The following PIWIL3 variants were observed in gnomAD, a reference collection of about 807,000 sequenced individuals.
The protein encoded by PIWIL3 is piwi like RNA-mediated gene silencing 3.
A neutral mutation model predicts 109.7 loss-of-function variants in PIWIL3; 101 were observed. The ratio of observed to expected loss-of-function variants is 0.92; its 90% CI spans 0.78 to 1.09. The LOEUF is 1.09. PIWIL3 is among the 50% of genes least tolerant of loss of function. The pLI, the probability that PIWIL3 is intolerant of heterozygous loss-of-function variation, is 0.00. For missense variants in PIWIL3, 1,031 were observed against 1,072.6 expected, an observed-to-expected ratio of 0.96 and a Z score of 0.54; for synonymous variants, 373 against 376.4, an observed-to-expected ratio of 0.99 and a Z score of 0.10.
chr22:24,760,954 G>C (rs1483090562), intron 2 of PIWIL3, among the ~76,000 whole-genome samples: 1 of 152,058 alleles, frequency 6.6e-6, no homozygotes, highest in Non-Finnish European at 1.5e-5. Flanking sequence ...TCTGATACTG[G>C]ATAGTTTTTG....
At chr22:24,733,605 G>A (rs1015528286) in intron 14 of PIWIL3, among the ~76,000 whole-genome samples, 5 of 152,002 alleles carry the variant, frequency 3.3e-5, no homozygotes, top group African/African-American at 9.7e-5. Flanking sequence ...TGCTTGAACC[G>A]GGAGGCAGAG....
chr22:24,720,267 T>G (rs1000228548), intron 19 of PIWIL3, among the ~76,000 whole-genome samples: 21 of 57,946 alleles, frequency 3.6e-4, no homozygotes, highest in South Asian at 1.8e-3. Flanking sequence ...CTGTTTTTTT[T>G]TTTTTTTTTT....
chr22:24,749,778 CA>C lies in PIWIL3; in HGVS notation c.1130del (p.Leu377TrpfsTer11), dbSNP rs762553098. 5.0e-6 allele frequency: 8 copies of C among 1,613,746 alleles called. No homozygotes were observed. In the African/African-American group the frequency reaches 8.0e-5, roughly 16 times the overall value. Reference sequence around the variant, plus strand: ...CCTTTTTCCATCTGCCCTGGCTGACCAAAAGTGGCTGTTTCTTCACTGTGAC... The same window carrying C: ...CCTTTTTCCATCTGCCCTGGCTGACCAAAGTGGCTGTTTCTTCACTGTGAC... ...EIVTVKKQPL[L>X]VSQGRWKKGL... On this transcript the variant is annotated frameshift_variant, in exon 10 of 21. Transcript: ENST00000616349. LOFTEE classifies it high-confidence loss of function.
intron 2 of PIWIL3, chr22:24,761,925 G>A: frequency 1.0e-6 from 1 of 979,486 alleles, no homozygotes; most frequent in Non-Finnish European, 1.2e-6. Flanking sequence ...TCCCCCTGGA[G>A]GTTGTCAGAT....
chr22:24,724,536 G>A (rs71321003), intron 18 of PIWIL3, among the ~76,000 whole-genome samples: 12,007 of 151,664 alleles, frequency 0.079, 564 homozygotes, highest in African/African-American at 0.13. Context: ...CCGGGTTCAA[G>A]TGATTCTCCT....
intron 1 of PIWIL3, among the ~76,000 whole-genome samples, chr22:24,763,401 A>G (rs1453352851): frequency 2.0e-5 from 3 of 152,108 alleles, no homozygotes; most frequent in African/African-American, 4.8e-5. Flanking sequence ...CCCGGGCTCC[A>G]GCGATTCTCC....
At chr22:24,751,940 TC>T (rs1292668259) in intron 8 of PIWIL3, among the ~76,000 whole-genome samples, 1 of 152,254 alleles carries the variant, frequency 6.6e-6, no homozygotes, top group Non-Finnish European at 1.5e-5. Context: ...CAAATAATAT[TC>T]TATTGTATGA....
rs753668281 is a variant in PIWIL3, at chr22:24,755,767, C to A, written c.692+17G>T. On this transcript the variant is annotated intron_variant, in intron 6 of 20. Coordinates refer to ENST00000616349, the MANE Select transcript of PIWIL3 (RefSeq NM_001255975.1). ...CAACCGAATGAGTATCAAAGAAACT[C>A]AACCCCGGTAACATACCTTCTAAAG... is the stretch of plus-strand genomic sequence containing the variant. The A allele has an allele frequency of 4.0e-5, 65 of 1,613,544 alleles. No homozygotes were observed. The highest frequency in any genetic ancestry group is 5.3e-5 in the Non-Finnish European group (62 of 1,179,738).
chr22:24,749,279 C>T (rs1297761432), intron 11 of PIWIL3, 125 bp downstream of exon 11: 3 of 1,434,572 alleles, frequency 2.1e-6, no homozygotes, highest in Non-Finnish European at 2.8e-6. Context: ...TGTCCCCCAA[C>T]ATCAAAATTC....
In PIWIL3 at chr22:24,719,767, T is replaced by C; in HGVS notation, c.2486A>G (p.His829Arg). The change falls in exon 20 of 21, where the codon CAC (histidine) becomes CGC (arginine). Residue 829 changes from histidine (H) to arginine (R), a missense_variant. Physicochemically the swap from His to Arg is conservative, Grantham distance 29 (BLOSUM62 0). Coordinates refer to ENST00000616349, the MANE Select transcript of PIWIL3 (RefSeq NM_001255975.1). ...ACTTACTGGCAAATTATAATACATG[T>C]GGCATAGACAATATGTTAAACGCTG... The part of the protein sequence containing the change: ...TVQRLTYCLC[H>R]MYYNLPGIIR... 1.2e-6 allele frequency: 2 copies of C among 1,612,414 alleles called. No individual in the cohort carries two copies. Among genetic ancestry groups the C allele is most frequent in the Non-Finnish European group, 8.5e-7 (1 of 1,178,850 alleles).
At position 24,728,240 on chromosome 22, in the gene PIWIL3, G is replaced by A; in HGVS notation, c.1842C>T (p.Val614=). The A allele has an allele frequency of 6.2e-7, 1 of 1,614,200 alleles. No individual in the cohort carries two copies. The change falls in exon 15 of 21, where the codon GTC becomes GTT. Residue 614 remains valine, a synonymous_variant. Transcript: ENST00000616349. The part of the protein sequence containing the change: ...TLEKVQARTI[V]TKIAQQMNCK... ...AATTCATCTGCTGGGCAATCTTGGT[G>A]ACGATGGTCCTTGCCTGGACTTTTT...
At chr22:24,765,835 T>C (rs1395248248) in intron 1 of PIWIL3, among the ~76,000 whole-genome samples, 4 of 151,668 alleles carry the variant, frequency 2.6e-5, no homozygotes, top group Middle Eastern at 3.2e-3. Context: ...ATTTTTTCTT[T>C]TGTAGTTGTG....
chr22:24,766,565 G>A (rs1601854989), intron 1 of PIWIL3, among the ~76,000 whole-genome samples: 1 of 151,712 alleles, frequency 6.6e-6, no homozygotes, highest in South Asian at 2.1e-4. Flanking sequence ...CTTGTGATCC[G>A]CCTGCCTCAG....
At chr22:24,720,443 T>C (rs963159976) in intron 19 of PIWIL3, among the ~76,000 whole-genome samples, 11 of 151,762 alleles carry the variant, frequency 7.2e-5, no homozygotes, top group Non-Finnish European at 1.5e-5. Context: ...GGCTAATTTT[T>C]TATATTTTTA....
intron 16 of PIWIL3, among the ~76,000 whole-genome samples, chr22:24,725,739 A>C (rs1037493493): frequency 3.3e-5 from 5 of 152,238 alleles, no homozygotes; most frequent in African/African-American, 1.2e-4. Context: ...GCATTTATTC[A>C]CATTACTACA....
rs1925198995 is a variant in PIWIL3, at chr22:24,758,034, T to TC, written c.228dup (p.Lys77GlufsTer6). ...AACCCAGCCTCAGGTCCAGGTTCCT[T>TC]CACCCCTGCATAAATGTAAACGCCA... On this transcript the variant is annotated frameshift_variant, in exon 4 of 21. Transcript: ENST00000616349. LOFTEE classifies it high-confidence loss of function. The TC allele has an allele frequency of 6.2e-7, 1 of 1,610,008 alleles. No individual in the cohort carries two copies. Among genetic ancestry groups the TC allele is most frequent in the East Asian group, 2.2e-5 (1 of 44,828 alleles).
At chr22:24,742,030 C>T (rs1325374917) in intron 12 of PIWIL3, among the ~76,000 whole-genome samples, 3 of 151,416 alleles carry the variant, frequency 2.0e-5, no homozygotes, top group African/African-American at 7.3e-5. Flanking sequence ...GCTCCTAGAT[C>T]TGAGAATTCA....
At chr22:24,773,506 C>G (rs1324200201) in intron 1 of PIWIL3, among the ~76,000 whole-genome samples, 2 of 152,106 alleles carry the variant, frequency 1.3e-5, no homozygotes, top group African/African-American at 4.8e-5. Context: ...CCACCATCTG[C>G]ATCATCCCCA....
At chr22:24,773,869 T>C (rs1455678656) in intron 1 of PIWIL3, among the ~76,000 whole-genome samples, 1 of 151,856 alleles carries the variant, frequency 6.6e-6, no homozygotes, top group Non-Finnish European at 1.5e-5. Flanking sequence ...CACCCGCCAC[T>C]GCGCCCAGTT....
Sources: allele counts gnomAD v4.1 joint callset (sites outside exome capture counted in the v4.1 genomes callset), GRCh38; gene constraint gnomAD v4.1.1; transcripts MANE v1.5; gene names NCBI Gene and HGNC (gene_info 2026-07-23, HGNC 2026-07-21).